GLIPR1L1: variants seen among roughly 807,000 people sequenced by gnomAD.
The protein encoded by GLIPR1L1 is GLIPR1-like protein 1.
GLIPR1L1 carries 26 observed loss-of-function variants against 29.9 expected under a neutral mutation model. The observed-to-expected ratio is 0.87, with a 90% confidence interval of 0.64 to 1.21. GLIPR1L1 has a LOEUF of 1.21. Among genes scored for constraint, GLIPR1L1 ranks in the 50% most tolerant of loss-of-function variants. The probability of loss-of-function intolerance (pLI) is 0.00; values close to 1 mark genes in which losing one functional copy is unlikely to be tolerated. For missense variants in GLIPR1L1, 305 were observed against 290.3 expected, an observed-to-expected ratio of 1.05 and a Z score of -0.37; for synonymous variants, 77 against 97.5, an observed-to-expected ratio of 0.79 and a Z score of 1.24.
At chr12:75,342,783 A>G (rs1230059252) in intron 1 of GLIPR1L1, among the ~76,000 whole-genome samples, 1 of 152,136 alleles carries the variant, frequency 6.6e-6, no homozygotes, top group Non-Finnish European at 1.5e-5. Flanking sequence ...TTTGCAATAC[A>G]GAATATTCTG....
intron 4 of GLIPR1L1, among the ~76,000 whole-genome samples, chr12:75,363,720 A>G (rs2043775670): frequency 1.3e-5 from 2 of 152,162 alleles, no homozygotes; most frequent in Admixed American, 1.3e-4. Context: ...ACTCTGTAAA[A>G]CATTTGAAGA....
At chr12:75,364,727 C>T (rs2043849714) in intron 4 of GLIPR1L1, 1 of 152,176 alleles carries the variant, frequency 6.6e-6, no homozygotes, top group Non-Finnish European at 1.5e-5. Context: ...ATTATTAAAA[C>T]CTTTTAAGCT....
chr12:75,358,912 T>C (rs1401266596), intron 3 of GLIPR1L1, among the ~76,000 whole-genome samples: 2 of 144,778 alleles, frequency 1.4e-5, no homozygotes, highest in East Asian at 2.0e-4. Flanking sequence ...ATATATTATA[T>C]TAGTACAGAC....
At chr12:75,354,174 G>A (rs367811603) in intron 3 of GLIPR1L1, among the ~76,000 whole-genome samples, 5 of 142,864 alleles carry the variant, frequency 3.5e-5, no homozygotes, top group South Asian at 4.8e-4. Flanking sequence ...AAAGGGGGGG[G>A]GGTATTCAAA....
At position 75,334,786 on chromosome 12, in the gene GLIPR1L1, A is replaced by C; in HGVS notation, c.58A>C (p.Thr20Pro). Residue 20 changes from threonine (T) to proline (P), a missense_variant, in exon 1 of 6, where the codon ACT becomes CCT. Physicochemically the swap from Thr to Pro is conservative, Grantham distance 38. Coordinates refer to ENST00000378695, the MANE Select transcript of GLIPR1L1 (RefSeq NM_001304964.2). Reference protein sequence around the residue: ...LWILGLCLVATTSSKIPSITD... With the variant: ...LWILGLCLVAPTSSKIPSITD... Reference sequence around the variant, plus strand: ...GATCTTGGGTCTGTGTTTGGTAGCCACTACATCTTCCAAAATCCCATCCAT... The same window carrying C: ...GATCTTGGGTCTGTGTTTGGTAGCCCCTACATCTTCCAAAATCCCATCCAT... 6.2e-7 allele frequency: 1 copy of C among 1,614,146 alleles called. No homozygotes were observed. The highest frequency in any genetic ancestry group is 1.1e-5 in the South Asian group (1 of 91,078).
intron 1 of GLIPR1L1, among the ~76,000 whole-genome samples, chr12:75,341,485 C>T (rs1013431186): frequency 6.6e-6 from 1 of 151,948 alleles, no homozygotes; most frequent in African/African-American, 2.4e-5. Context: ...CTCGCTGTGT[C>T]GCCCAGGCTG....
At chr12:75,339,214 C>T (rs914029020) in intron 1 of GLIPR1L1, among the ~76,000 whole-genome samples, 3 of 152,108 alleles carry the variant, frequency 2.0e-5, no homozygotes, top group African/African-American at 7.2e-5. Flanking sequence ...TTTACACTCC[C>T]ACCAACAATG....
chr12:75,369,545 A>C (rs562462643), intron 4 of GLIPR1L1: 1 of 982,528 alleles, frequency 1.0e-6, no homozygotes, highest in African/African-American at 1.7e-5. Flanking sequence ...GATGTGGAAA[A>C]GACATCGAGA....
intron 3 of GLIPR1L1, among the ~76,000 whole-genome samples, chr12:75,354,836 A>T (rs2043046597): frequency 6.6e-6 from 1 of 152,170 alleles, no homozygotes; most frequent in South Asian, 2.1e-4. Context: ...CACATCTATA[A>T]TCAACTAGTC....
intron 3 of GLIPR1L1, chr12:75,360,333 A>C (rs1422403233): frequency 6.6e-6 from 1 of 152,138 alleles, no homozygotes; most frequent in Non-Finnish European, 1.5e-5. Context: ...CCATAATCCA[A>C]AGTCTCATCT....
At chr12:75,356,607 C>T (rs1397795259) in intron 3 of GLIPR1L1, among the ~76,000 whole-genome samples, 1 of 151,528 alleles carries the variant, frequency 6.6e-6, no homozygotes, top group Non-Finnish European at 1.5e-5. Flanking sequence ...TTTAATTAAC[C>T]CAAAGAAAGG....
chr12:75,356,547 T>G (rs1277558374), intron 3 of GLIPR1L1, among the ~76,000 whole-genome samples: 1 of 151,560 alleles, frequency 6.6e-6, no homozygotes, highest in Non-Finnish European at 1.5e-5. Flanking sequence ...AAACAAAGAG[T>G]AATCGCAAAT....
intron 3 of GLIPR1L1, 70 bp downstream of exon 3, chr12:75,347,792 C>T: frequency 1.1e-6 from 1 of 895,578 alleles, no homozygotes. Flanking sequence ...ATAAGAGGAC[C>T]TTATACTAGA....
chr12:75,341,080 C>G (rs2042071817), intron 1 of GLIPR1L1, among the ~76,000 whole-genome samples: 1 of 151,714 alleles, frequency 6.6e-6, no homozygotes, highest in South Asian at 2.1e-4. Flanking sequence ...CTTAGACTTG[C>G]AATTGCACTT....
At chr12:75,367,447 C>T (rs545848764) in intron 4 of GLIPR1L1, among the ~76,000 whole-genome samples, 77 of 152,030 alleles carry the variant, frequency 5.1e-4, no homozygotes, top group African/African-American at 1.6e-3. Context: ...AATTGAAATA[C>T]GAATACACAC....
At chr12:75,351,766 C>T (rs1001223418) in intron 3 of GLIPR1L1, among the ~76,000 whole-genome samples, 15 of 152,218 alleles carry the variant, frequency 9.9e-5, no homozygotes, top group East Asian at 1.9e-4. Context: ...AGCCTGGTCT[C>T]GAACTCCTGA....
intron 4 of GLIPR1L1, among the ~76,000 whole-genome samples, chr12:75,366,062 G>T (rs1404622463): frequency 1.3e-5 from 2 of 152,024 alleles, no homozygotes; most frequent in African/African-American, 4.8e-5. Context: ...ACTTTACAAA[G>T]AATTTTAAAG....
intron 3 of GLIPR1L1, among the ~76,000 whole-genome samples, chr12:75,361,779 C>A (rs536142115): frequency 1.3e-5 from 2 of 152,240 alleles, no homozygotes; most frequent in African/African-American, 4.8e-5. Flanking sequence ...GGAAACCACC[C>A]CCATAATCCA....
At chr12:75,349,965 G>A (rs1345147698) in intron 3 of GLIPR1L1, among the ~76,000 whole-genome samples, 1 of 152,352 alleles carries the variant, frequency 6.6e-6, no homozygotes, top group Admixed American at 6.5e-5. Context: ...AGCGGGGCAG[G>A]CTGGAGACTG....
Sources: allele counts gnomAD v4.1 joint callset (sites outside exome capture counted in the v4.1 genomes callset), GRCh38; gene constraint gnomAD v4.1.1; transcripts MANE v1.5; gene names NCBI Gene and HGNC (gene_info 2026-07-23, HGNC 2026-07-21).